SLC25A21: variants seen among roughly 807,000 people sequenced by gnomAD.
SLC25A21 encodes solute carrier family 25 member 21, also known as mitochondrial 2-oxodicarboxylate carrier.
In SLC25A21, 47 loss-of-function variants were observed where a neutral mutation model predicts 43.8. The observed-to-expected ratio is 1.07, with a 90% CI of 0.85 to 1.37. The LOEUF is 1.37. Ranked by LOEUF, SLC25A21 falls within the 40% of genes most tolerant of loss-of-function variation. The pLI, the probability that SLC25A21 is intolerant of heterozygous loss-of-function variation, is 0.00. For missense variants in SLC25A21, 352 were observed against 350.2 expected (o/e 1.00, Z -0.04); for synonymous variants, 131 against 121.3 (o/e 1.08, Z -0.52).
intron 3 of SLC25A21, among the ~76,000 whole-genome samples, chr14:36,746,695 C>T (rs1885513843): frequency 6.6e-6 from 1 of 152,248 alleles, no homozygotes; most frequent in South Asian, 2.1e-4. Flanking sequence ...TCACCAGCTC[C>T]CCTTTTCTTA....
chr14:37,050,969 C>T (rs974328767), intron 1 of SLC25A21, among the ~76,000 whole-genome samples: 1 of 152,188 alleles, frequency 6.6e-6, no homozygotes, highest in Non-Finnish European at 1.5e-5. Flanking sequence ...CAGGTTAATA[C>T]ATCTAAAATA....
intron 1 of SLC25A21, among the ~76,000 whole-genome samples, chr14:37,047,415 A>G (rs760265801): frequency 1.3e-5 from 2 of 152,214 alleles, no homozygotes; most frequent in African/African-American, 2.4e-5. Context: ...TATGAGAGCA[A>G]TAAGAAAAAC....
intron 1 of SLC25A21, among the ~76,000 whole-genome samples, chr14:37,015,687 A>C (rs1265069758): frequency 6.6e-6 from 1 of 151,556 alleles, no homozygotes; most frequent in Non-Finnish European, 1.5e-5. Context: ...ATTTCTCCAC[A>C]TCCTCTCCAG....
At chr14:36,831,408 T>C (rs1889033177) in intron 2 of SLC25A21, among the ~76,000 whole-genome samples, 1 of 152,230 alleles carries the variant, frequency 6.6e-6, no homozygotes, top group Admixed American at 6.5e-5. Context: ...TGTAAAACTA[T>C]ATGTATGATT....
intron 1 of SLC25A21, among the ~76,000 whole-genome samples, chr14:37,133,162 C>CAT (rs1963419873): frequency 6.6e-6 from 1 of 151,820 alleles, no homozygotes; most frequent in South Asian, 2.1e-4. Context: ...CACACACACA[C>CAT]ACACACACAC....
chr14:36,889,520 T>A (rs1891019798), intron 1 of SLC25A21, among the ~76,000 whole-genome samples: 1 of 152,178 alleles, frequency 6.6e-6, no homozygotes, highest in Non-Finnish European at 1.5e-5. Flanking sequence ...AGGGTCTTAT[T>A]CTGTTGTTCA....
intron 2 of SLC25A21, among the ~76,000 whole-genome samples, chr14:36,850,214 C>T (rs1889680941): frequency 6.6e-6 from 1 of 152,120 alleles, no homozygotes; most frequent in South Asian, 2.1e-4. Flanking sequence ...TACATGCTTC[C>T]AATCATATCA....
At chr14:36,706,528 G>A (rs1358703981) in intron 7 of SLC25A21, among the ~76,000 whole-genome samples, 2 of 151,954 alleles carry the variant, frequency 1.3e-5, no homozygotes, top group Non-Finnish European at 2.9e-5. Context: ...ACTTAACGTC[G>A]GCACTTTGCA....
At chr14:37,045,359 A>T (rs10150336) in intron 1 of SLC25A21, among the ~76,000 whole-genome samples, 95,588 of 152,102 alleles carry the variant, frequency 0.63, 32,132 homozygotes, top group African/African-American at 0.89. Flanking sequence ...CTGTAATGAT[A>T]TTTTAAAAAT....
At chr14:36,941,230 A>G (rs1054310196) in intron 1 of SLC25A21, among the ~76,000 whole-genome samples, 21 of 152,078 alleles carry the variant, frequency 1.4e-4, no homozygotes, top group Non-Finnish European at 2.2e-4. Context: ...AAAACAGTGG[A>G]AAAAAATCAT....
At chr14:36,872,675 G>A (rs74915716) in intron 2 of SLC25A21, among the ~76,000 whole-genome samples, 3,959 of 152,136 alleles carry the variant, frequency 0.026, 137 homozygotes, top group East Asian at 0.12. Context: ...CCTCTCCTTC[G>A]GAGCACCTGG....
intron 1 of SLC25A21, among the ~76,000 whole-genome samples, chr14:36,961,737 T>A (rs1959497545): frequency 6.6e-6 from 1 of 152,114 alleles, no homozygotes; most frequent in Non-Finnish European, 1.5e-5. Context: ...TTCAGAGTTA[T>A]GAAACTCTTC....
chr14:36,973,335 G>A (rs79702243), intron 1 of SLC25A21, among the ~76,000 whole-genome samples: 1,531 of 152,310 alleles, frequency 0.01, 23 homozygotes, highest in African/African-American at 0.035. Context: ...AACAACTGTA[G>A]TGACATGAAC....
At chr14:37,088,081 ATAAAAT>A (rs1268665670) in intron 1 of SLC25A21, among the ~76,000 whole-genome samples, 3 of 152,228 alleles carry the variant, frequency 2.0e-5, no homozygotes, top group Non-Finnish European at 4.4e-5. Flanking sequence ...TTTTTATATC[ATAAAAT>A]TAAAAATAAA....
chr14:37,171,204 T>G (rs975703666), intron 1 of SLC25A21, among the ~76,000 whole-genome samples: 1 of 151,902 alleles, frequency 6.6e-6, no homozygotes, highest in Non-Finnish European at 1.5e-5. Context: ...TAATGTGATA[T>G]TGATGAAATA....
At chr14:37,093,762 TTAAC>T (rs1266340495) in intron 1 of SLC25A21, among the ~76,000 whole-genome samples, 1 of 152,172 alleles carries the variant, frequency 6.6e-6, no homozygotes, top group East Asian at 1.9e-4. Flanking sequence ...AATGATTTCT[TTAAC>T]AAACAAACCA....
At chr14:36,871,955 T>C (rs986856450) in intron 2 of SLC25A21, among the ~76,000 whole-genome samples, 1 of 152,186 alleles carries the variant, frequency 6.6e-6, no homozygotes, top group African/African-American at 2.4e-5. Flanking sequence ...TATTATCAGC[T>C]AGGTAAAATT....
intron 1 of SLC25A21, among the ~76,000 whole-genome samples, chr14:37,002,689 A>AT (rs1960514207): frequency 6.6e-6 from 1 of 152,160 alleles, no homozygotes; most frequent in South Asian, 2.1e-4. Flanking sequence ...ACTAAATGCG[A>AT]TAACATTCAG....
At chr14:36,958,912 G>T (rs1252943386) in intron 1 of SLC25A21, among the ~76,000 whole-genome samples, 1 of 152,194 alleles carries the variant, frequency 6.6e-6, no homozygotes, top group Non-Finnish European at 1.5e-5. Context: ...ACACATTTCT[G>T]CAGGCCTGTT....
Sources: allele counts gnomAD v4.1 joint callset (sites outside exome capture counted in the v4.1 genomes callset), GRCh38; gene constraint gnomAD v4.1.1; transcripts MANE v1.5; gene names NCBI Gene and HGNC (gene_info 2026-07-23, HGNC 2026-07-21).